EIF2AK1: variants seen among roughly 807,000 people sequenced by gnomAD.
EIF2AK1 encodes eukaryotic translation initiation factor 2-alpha kinase 1.
Under a neutral mutation model 77.9 loss-of-function variants are expected in EIF2AK1, and 54 were observed. The ratio of observed to expected loss-of-function variants is 0.69; its 90% CI spans 0.56 to 0.87. EIF2AK1 has a LOEUF of 0.87. Ranked by LOEUF, EIF2AK1 falls within the 40% of genes least tolerant of loss-of-function variation. EIF2AK1 has a pLI of 0.00. For missense variants in EIF2AK1, 810 were observed against 768.6 expected (o/e 1.05, Z -0.64); for synonymous variants, 314 against 290.5 (o/e 1.08, Z -0.82).
intron 2 of EIF2AK1, among the ~76,000 whole-genome samples, chr7:6,053,595 C>T (rs1336859844): frequency 6.6e-6 from 1 of 151,668 alleles, no homozygotes; most frequent in Non-Finnish European, 1.5e-5. Context: ...GATCTCTTGA[C>T]CTCATGATCC....
intron 9 of EIF2AK1, among the ~76,000 whole-genome samples, chr7:6,039,125 G>A (rs1018973441): frequency 6.6e-6 from 1 of 152,082 alleles, no homozygotes; most frequent in African/African-American, 2.4e-5. Context: ...GCTTCACGTT[G>A]TACATAACTA....
chr7:6,042,365 C>T (rs1368961571), intron 8 of EIF2AK1, among the ~76,000 whole-genome samples: 2 of 150,948 alleles, frequency 1.3e-5, no homozygotes, highest in Non-Finnish European at 2.9e-5. Flanking sequence ...TCAGGAGGAT[C>T]GCTTAAACCT....
Position 6,048,798 on chromosome 7 carries a change from C to A in EIF2AK1, c.449+9G>T. ...AGTCTGCATAATCAAGAAAGTTTTT[C>A]ACACATACCTGATTTTCTGGATACG... On this transcript the variant is annotated intron_variant, in intron 4 of 14. Transcript: ENST00000199389. The A allele has an allele frequency of 6.3e-7, 1 of 1,583,624 alleles. No individual in the cohort carries two copies. Among genetic ancestry groups the A allele is most frequent in the South Asian group, 1.2e-5 (1 of 83,788 alleles).
At position 6,041,057 on chromosome 7, in the gene EIF2AK1, T is replaced by C. The variant is rs960079484; in HGVS notation, c.954A>G (p.Glu318=). The stretch of plus-strand genomic sequence containing the variant: ...CCTGGAGCTCCAGGGTCGACTCAAG[T>C]TCACCAGATTCTCTTATGACTAAAT... ...TTNLVIRESG[E]LESTLELQEN... The change falls in exon 9 of 15, where the codon GAA becomes GAG. Residue 318 remains glutamate, a synonymous_variant. Coordinates refer to ENST00000199389, the MANE Select transcript of EIF2AK1 (RefSeq NM_014413.4). 1.9e-6 allele frequency: 3 copies of C among 1,614,018 alleles called. No homozygotes were observed. The highest frequency in any genetic ancestry group is 2.7e-5 in the African/African-American group (2 of 74,896).
chr7:6,047,290 T>C, intron 4 of EIF2AK1, 199 bp from the exon 5 acceptor site: 1 of 688,392 alleles, frequency 1.5e-6, no homozygotes, highest in South Asian at 1.5e-5. Flanking sequence ...TAACGGGTAT[T>C]CCAAGTAGAA....
intron 11 of EIF2AK1, among the ~76,000 whole-genome samples, chr7:6,034,308 AAAT>A (rs1008114156): frequency 4.6e-5 from 7 of 151,974 alleles, no homozygotes; most frequent in Non-Finnish European, 8.8e-5. Flanking sequence ...CTCCATCTCA[AAAT>A]AATAATAATA....
intron 11 of EIF2AK1, 22 bp downstream of exon 11, chr7:6,037,402 T>C: frequency 7.9e-6 from 12 of 1,523,666 alleles, no homozygotes; most frequent in Non-Finnish European, 1.1e-5. Context: ...CTGCTTTCAA[T>C]GATTTCATCG....
Position 6,046,061 on chromosome 7 carries a change from A to AATTTTG in EIF2AK1, c.630+9_630+10insCAAAAT. On this transcript the variant is annotated intron_variant, in intron 6 of 14. Transcript: ENST00000199389. ...AATTATTCAAAATAAGTAATTTTTA[A>AATTTTG]AAATCATACCTTCATGCAAACTGTT... The AATTTTG allele has an allele frequency of 6.6e-7, 1 of 1,504,270 alleles. No individual in the cohort carries two copies. Among genetic ancestry groups the AATTTTG allele is most frequent in the South Asian group, 1.2e-5 (1 of 81,840 alleles). The allele number at this position is 1,504,270 out of a possible 1,614,324, so 93.2% of individuals were successfully genotyped here.
chr7:6,040,777 C>G (rs890811478), intron 9 of EIF2AK1, 115 bp downstream of exon 9: 3 of 874,986 alleles, frequency 3.4e-6, no homozygotes, highest in African/African-American at 3.4e-5. Context: ...ATGGCCAGTA[C>G]AAGAGACTGA....
intron 4 of EIF2AK1, among the ~76,000 whole-genome samples, chr7:6,048,557 G>A (rs1440026140): frequency 1.3e-5 from 2 of 152,164 alleles, no homozygotes; most frequent in South Asian, 2.1e-4. Context: ...CCCTAACAGA[G>A]CCTGGGTATC....
chr7:6,054,589 G>C lies in EIF2AK1; in HGVS notation c.234C>G (p.His78Gln). 1.2e-6 allele frequency: 2 copies of C among 1,614,114 alleles called. No individual in the cohort carries two copies. Among genetic ancestry groups the C allele is most frequent in the Non-Finnish European group, 1.7e-6 (2 of 1,180,020 alleles). The change falls in exon 2 of 15, where the codon CAC becomes CAG. Residue 78 changes from histidine to glutamine, a missense_variant. This residue lies in a region of EIF2AK1 where 246 missense variants were observed against 199.0 expected (regional missense o/e 1.24). Transcript: ENST00000199389. ...AACGAAGTGGGTTTGGTTCATGCAC[G>C]TGGCTCAAGTGCTCCAGCAAAGAAA... ...LLVSLLEHLS[H>Q]VHEPNPLRSR... is the part of the protein sequence containing the mutation.
Position 6,036,479 on chromosome 7 carries a change from A to G in EIF2AK1, c.1332+945T>C, listed in dbSNP as rs1455573535. 1.0e-5 allele frequency: 8 copies of G among 786,992 alleles called. No individual in the cohort carries two copies. Among genetic ancestry groups the G allele is most frequent in the Non-Finnish European group, 1.5e-5 (8 of 532,586 alleles). The allele number at this position is 786,992 out of a possible 1,614,324, so 48.8% of individuals were successfully genotyped here. On this transcript the variant is annotated intron_variant, in intron 11 of 14. Coordinates refer to ENST00000199389, the MANE Select transcript of EIF2AK1 (RefSeq NM_014413.4). This position sits in a 1 kb window ranked among gnomAD's most constrained non-coding sequence, Gnocchi z 4.6. ...TGTCCCAGAAAATGCTTCACCTATC[A>G]CCTGTGACATCCCAAATGTACAAAC...
Position 6,033,221 on chromosome 7 carries a change from G to A in EIF2AK1, c.1333-4189C>T, listed in dbSNP as rs1245737040. 2.6e-5 allele frequency among the ~76,000 whole-genome samples: 4 copies of A among 151,990 alleles called. No individual in the cohort carries two copies. Among genetic ancestry groups the A allele is most frequent in the Non-Finnish European group, 4.4e-5 (3 of 68,002 alleles). On this transcript the variant is annotated intron_variant, in intron 11 of 14. Transcript: ENST00000199389. The surrounding 1 kb of genome is among the most constrained non-coding windows in gnomAD (Gnocchi z 4.4). ...TGGCCTCAAGTGATCCACCTGCCTC[G>A]GCCTCCCAAAGTGCTGGGATTAACA...
At chr7:6,054,508 C>T (rs748554397) in intron 2 of EIF2AK1, 38 bp downstream of exon 2, 2 of 1,608,988 alleles carry the variant, frequency 1.2e-6, no homozygotes, top group Admixed American at 3.3e-5. Context: ...CCAGCCTTTA[C>T]AAGCTTTATT....
At chr7:6,026,508 G>C (rs1178117722) in intron 14 of EIF2AK1, 1 of 687,802 alleles carries the variant, frequency 1.5e-6, no homozygotes, top group Admixed American at 2.0e-5. Flanking sequence ...TCCTGTGCCT[G>C]CTGAGGCCAC....
rs551991211 is a variant in EIF2AK1, at chr7:6,043,014, A to T, written c.731-21T>A. 6 of 1,612,572 alleles carry T rather than the reference A, an allele frequency of 3.7e-6. No individual in the cohort carries two copies. The South Asian group carries it at 4.4e-5, about 12-fold the overall frequency. ...GTCTGCTGAATGAAAACAAACAACAATCATCTTCAAACAGCCCAGTTTTTC... is the reference window on the plus strand; with the variant it reads ...GTCTGCTGAATGAAAACAAACAACATTCATCTTCAAACAGCCCAGTTTTTC... On this transcript the variant is annotated intron_variant, in intron 7 of 14. Coordinates refer to ENST00000199389, the MANE Select transcript of EIF2AK1 (RefSeq NM_014413.4).
At chr7:6,040,770 G>T in intron 9 of EIF2AK1, 122 bp downstream of exon 9, 1 of 802,600 alleles carries the variant, frequency 1.2e-6, no homozygotes, top group Non-Finnish European at 2.0e-6. Flanking sequence ...GGGGAACATG[G>T]CCAGTACAAG....
At chr7:6,038,445 AT>A (rs1235787512) in intron 10 of EIF2AK1, 114 bp downstream of exon 10, 2 of 682,672 alleles carry the variant, frequency 2.9e-6, no homozygotes, top group African/African-American at 1.9e-5. Flanking sequence ...TCTCAAAAAA[AT>A]AAAATAAATA....
At position 6,036,148 on chromosome 7, in the gene EIF2AK1, C is replaced by A; in HGVS notation, c.1332+1276G>T. 1 of 1,550,318 alleles carries A rather than the reference C, an allele frequency of 6.5e-7. No homozygotes were observed. On this transcript the variant is annotated intron_variant, in intron 11 of 14. Transcript: ENST00000199389. The surrounding 1 kb of genome is among the most constrained non-coding windows in gnomAD (Gnocchi z 4.6). ...GCCAGGCTACTTTATCACACTTATC[C>A]TCTGAGAATGACCAATAACCAAGGA...
Sources: allele counts gnomAD v4.1 joint callset (sites outside exome capture counted in the v4.1 genomes callset), GRCh38; gene constraint gnomAD v4.1.1; regional missense constraint gnomAD v4.1.1; non-coding constraint Gnocchi (gnomAD v3.1); transcripts MANE v1.5; gene names NCBI Gene and HGNC (gene_info 2026-07-23, HGNC 2026-07-21).